Variants in NDUFAF2 observed in about 807,000 individuals in gnomAD.
The protein encoded by NDUFAF2 is NADH dehydrogenase [ubiquinone] 1 alpha subcomplex assembly factor 2.
A neutral mutation model predicts 22.8 loss-of-function variants in NDUFAF2; 13 were observed. The observed-to-expected ratio is 0.57, with a 90% CI of 0.37 to 0.91. The LOEUF (loss-of-function observed/expected upper bound fraction) is 0.91. Ranked by LOEUF, NDUFAF2 falls within the 40% of genes least tolerant of loss-of-function variation. NDUFAF2 has a pLI of 0.01. For missense variants in NDUFAF2, 162 were observed against 195.2 expected, an observed-to-expected ratio of 0.83 and a Z score of 1.01; for synonymous variants, 53 against 64.2, an observed-to-expected ratio of 0.83 and a Z score of 0.84.
intron 1 of NDUFAF2, among the ~76,000 whole-genome samples, chr5:61,020,686 G>A (rs944984690): frequency 6.6e-6 from 1 of 151,772 alleles, no homozygotes; most frequent in African/African-American, 2.4e-5. Context: ...TGAGTAGCTG[G>A]GAGTATGATC....
chr5:60,968,929 T>A (rs1355210701), intron 1 of NDUFAF2, among the ~76,000 whole-genome samples: 1 of 151,974 alleles, frequency 6.6e-6, no homozygotes. Context: ...TTGTTTTAAT[T>A]TTTAGCTTCC....
intron 1 of NDUFAF2, among the ~76,000 whole-genome samples, chr5:60,984,301 A>C: frequency 6.7e-6 from 1 of 149,996 alleles, no homozygotes. Context: ...TTTTGAGCTG[A>C]GACGATGGGG....
intron 1 of NDUFAF2, among the ~76,000 whole-genome samples, chr5:61,000,011 CT>C (rs1158592927): frequency 6.6e-6 from 1 of 151,916 alleles, no homozygotes; most frequent in Non-Finnish European, 1.5e-5. Flanking sequence ...TGCATAATGA[CT>C]TTTGATGGAC....
intron 1 of NDUFAF2, among the ~76,000 whole-genome samples, chr5:61,015,747 A>T (rs549436664): frequency 6.6e-6 from 1 of 152,354 alleles, no homozygotes; most frequent in East Asian, 1.9e-4. Flanking sequence ...GTTTCTATTT[A>T]AAAATGATTA....
intron 1 of NDUFAF2, among the ~76,000 whole-genome samples, chr5:60,967,251 A>AT (rs546472303): frequency 6.6e-6 from 1 of 151,886 alleles, no homozygotes; most frequent in Non-Finnish European, 1.5e-5. Context: ...CATTTTTAGA[A>AT]TTTTTTAAGA....
chr5:61,071,340 G>A (rs555349082), intron 1 of NDUFAF2, among the ~76,000 whole-genome samples: 1 of 152,284 alleles, frequency 6.6e-6, no homozygotes, highest in South Asian at 2.1e-4. Context: ...ATGAAATGCA[G>A]AACTTCCTGA....
chr5:61,106,489 A>G (rs1311289430), intron 3 of NDUFAF2, among the ~76,000 whole-genome samples: 2 of 151,490 alleles, frequency 1.3e-5, no homozygotes, highest in East Asian at 3.8e-4. Context: ...TAATAATCAC[A>G]TCAAGGTAAA....
intron 1 of NDUFAF2, among the ~76,000 whole-genome samples, chr5:61,027,574 A>G (rs1366735823): frequency 6.6e-6 from 1 of 151,892 alleles, no homozygotes; most frequent in Non-Finnish European, 1.5e-5. Flanking sequence ...ATTTGGAAAA[A>G]CGATTTTCTC....
intron 2 of NDUFAF2, 48 bp downstream of exon 2, chr5:61,073,262 C>A (rs1260441973): frequency 4.6e-6 from 6 of 1,291,540 alleles, no homozygotes; most frequent in Non-Finnish European, 6.8e-6. Context: ...AGTTATATAA[C>A]AGTATACAAA....
intron 1 of NDUFAF2, among the ~76,000 whole-genome samples, chr5:61,044,932 A>G (rs1158180010): frequency 6.6e-6 from 1 of 151,736 alleles, no homozygotes; most frequent in South Asian, 2.1e-4. Flanking sequence ...CATGTTAGCA[A>G]TATAATAAAT....
At chr5:60,997,204 G>A (rs1378465556) in intron 1 of NDUFAF2, among the ~76,000 whole-genome samples, 11 of 152,152 alleles carry the variant, frequency 7.2e-5, no homozygotes, top group Admixed American at 7.2e-4. Context: ...CAAATAGTGT[G>A]TTATAAATGT....
intron 1 of NDUFAF2, among the ~76,000 whole-genome samples, chr5:61,029,225 G>C (rs1751693915): frequency 1.3e-5 from 2 of 152,098 alleles, no homozygotes; most frequent in African/African-American, 2.4e-5. Flanking sequence ...GGGGGCAGGT[G>C]ATATATGGAA....
At chr5:60,967,727 C>T (rs1021624058) in intron 1 of NDUFAF2, among the ~76,000 whole-genome samples, 4 of 151,320 alleles carry the variant, frequency 2.6e-5, no homozygotes, top group Non-Finnish European at 4.4e-5. Context: ...TTTAATGTAC[C>T]CTTGAATTAG....
intron 1 of NDUFAF2, among the ~76,000 whole-genome samples, chr5:60,947,765 C>CA (rs11285395): frequency 2.2e-3 from 249 of 115,622 alleles, no homozygotes; most frequent in Middle Eastern, 9.5e-3. Context: ...GACTCCACCT[C>CA]AAAAAAAAAA....
At chr5:60,975,297 G>T (rs529602785) in intron 1 of NDUFAF2, among the ~76,000 whole-genome samples, 1 of 152,016 alleles carries the variant, frequency 6.6e-6, no homozygotes, top group Admixed American at 6.6e-5. Flanking sequence ...TCAAGTGAGC[G>T]AAAGAAAGGA....
chr5:61,022,440 A>T (rs2112604591), intron 1 of NDUFAF2, among the ~76,000 whole-genome samples: 1 of 152,276 alleles, frequency 6.6e-6, no homozygotes, highest in African/African-American at 2.4e-5. Context: ...TGATGGTTTA[A>T]TAGGGTATAG....
chr5:61,027,392 C>T (rs1383861788), intron 1 of NDUFAF2, among the ~76,000 whole-genome samples: 2 of 151,028 alleles, frequency 1.3e-5, no homozygotes, highest in African/African-American at 4.9e-5. Context: ...TTCTAGGAGT[C>T]TATAAATGCT....
chr5:61,136,785 A>G (rs935828195), intron 3 of NDUFAF2, among the ~76,000 whole-genome samples: 10 of 152,198 alleles, frequency 6.6e-5, no homozygotes, highest in Admixed American at 2.0e-4. Flanking sequence ...GAGACTGCGG[A>G]ACACATCACA....
chr5:60,959,185 A>G (rs1379769952), intron 1 of NDUFAF2, among the ~76,000 whole-genome samples: 2 of 152,114 alleles, frequency 1.3e-5, no homozygotes, highest in African/African-American at 4.8e-5. Context: ...CTATTGGAAG[A>G]TCATGATATA....
Sources: gnomAD v4.1 joint callset for allele counts (sites outside exome capture counted in the v4.1 genomes callset) on GRCh38, gnomAD v4.1.1 for gene constraint, MANE v1.5 for transcripts, NCBI Gene and HGNC (gene_info 2026-07-23, HGNC 2026-07-21) for gene names.